EPB41L4A: variants seen among roughly 807,000 people sequenced by gnomAD.
EPB41L4A encodes the protein band 4.1-like protein 4A.
In EPB41L4A, 100 loss-of-function variants were observed where a neutral mutation model predicts 108.6. The ratio of observed to expected loss-of-function variants is 0.92; its 90% CI spans 0.78 to 1.09. The LOEUF is 1.09. Ranked by LOEUF, EPB41L4A falls within the 50% of genes least tolerant of loss-of-function variation. The pLI is 0.00. For synonymous variants in EPB41L4A, 319 were observed against 289.0 expected, an observed-to-expected ratio of 1.10 and a Z score of -1.05; for missense variants, 1,030 against 842.7, an observed-to-expected ratio of 1.22 and a Z score of -2.75.
Position 112,339,033 on chromosome 5 carries a change from T to TC in EPB41L4A, c.100-31544_100-31543insG, listed in dbSNP as rs1554099884. 5.5e-4 allele frequency among the ~76,000 whole-genome samples: 84 copies of TC among 151,798 alleles called. 1 individual carries two copies. The South Asian group carries it at 0.017, about 30-fold the overall frequency. ...TTGTAAATAAAAGAAAGTGACAGGG[T>TC]GGGGGAGAATGAAGGGAGAAGAGCA... On this transcript the variant is annotated intron_variant, in intron 1 of 22. Coordinates refer to ENST00000261486, the MANE Select transcript of EPB41L4A (RefSeq NM_022140.5).
chr5:112,278,127 C>T (rs1436142405), intron 3 of EPB41L4A, among the ~76,000 whole-genome samples: 1 of 152,120 alleles, frequency 6.6e-6, no homozygotes, highest in African/African-American at 2.4e-5. Flanking sequence ...TCTGACTAAT[C>T]TATTAGAGAT....
chr5:112,243,838 T>C (rs1370221670), intron 9 of EPB41L4A, among the ~76,000 whole-genome samples: 1 of 152,238 alleles, frequency 6.6e-6, no homozygotes, highest in Non-Finnish European at 1.5e-5. Context: ...TTACAGACTT[T>C]GGTTTAAGGA....
At chr5:112,156,482 AT>A (rs1286511086) in intron 12 of EPB41L4A, among the ~76,000 whole-genome samples, 1 of 150,314 alleles carries the variant, frequency 6.7e-6, no homozygotes, top group African/African-American at 2.5e-5. Context: ...CAGCAAGCGA[AT>A]CCTTTCTTTA....
chr5:112,369,400 C>A (rs1167537941), intron 1 of EPB41L4A, among the ~76,000 whole-genome samples: 1 of 152,190 alleles, frequency 6.6e-6, no homozygotes, highest in African/African-American at 2.4e-5. Flanking sequence ...ATACAAATGT[C>A]TTTATCACTA....
intron 1 of EPB41L4A, among the ~76,000 whole-genome samples, chr5:112,319,048 AC>A (rs1403981833): frequency 6.6e-6 from 1 of 152,186 alleles, no homozygotes; most frequent in Non-Finnish European, 1.5e-5. Flanking sequence ...CACATCTGGT[AC>A]CCACATCTTT....
chr5:112,414,873 A>G (rs1762617890), intron 1 of EPB41L4A, among the ~76,000 whole-genome samples: 1 of 152,156 alleles, frequency 6.6e-6, no homozygotes, highest in Admixed American at 6.6e-5. Flanking sequence ...TATGCAGGAG[A>G]GACACTTTCT....
At chr5:112,339,528 C>CTA (rs1482030071) in intron 1 of EPB41L4A, among the ~76,000 whole-genome samples, 29 of 25,452 alleles carry the variant, frequency 1.1e-3, no homozygotes, top group Admixed American at 1.3e-3. Flanking sequence ...AGATATATAT[C>CTA]TATATATATA....
chr5:112,259,801 C>T (rs1419714973), intron 8 of EPB41L4A, 90 bp downstream of exon 8: 11 of 904,540 alleles, frequency 1.2e-5, no homozygotes, highest in Non-Finnish European at 1.8e-5. Flanking sequence ...GGAAATATAC[C>T]TGTTTTCTTT....
chr5:112,376,245 G>A (rs575410036), intron 1 of EPB41L4A, among the ~76,000 whole-genome samples: 1 of 152,240 alleles, frequency 6.6e-6, no homozygotes, highest in East Asian at 1.9e-4. Flanking sequence ...TCACCAAAGA[G>A]GATACAGATG....
intron 1 of EPB41L4A, among the ~76,000 whole-genome samples, chr5:112,357,779 T>C (rs1376223462): frequency 6.6e-6 from 1 of 152,124 alleles, no homozygotes; most frequent in East Asian, 1.9e-4. Context: ...GAAAATAGTA[T>C]AGGAACAGAG....
rs189322779 is a variant in EPB41L4A, at chr5:112,151,363, T to C, written n.995-5365A>G. 9.7e-4 allele frequency among the ~76,000 whole-genome samples: 141 copies of C among 144,866 alleles called. No homozygotes were observed. The East Asian group carries it at 0.022, about 22-fold the overall frequency. On this transcript the variant is annotated intron_variant and non_coding_transcript_variant, in intron 12 of 13. Coordinates refer to the EPB41L4A transcript ENST00000507810. ...CTAAGGTCCTTGTTTTTTTTTTTAT[T>C]CAAGAAGAGGATAAATATATATTTA...
At position 112,194,697 on chromosome 5, in the gene EPB41L4A, G is replaced by T. The variant is rs78847982; in HGVS notation, c.1425-52C>A. On this transcript the variant is annotated intron_variant, in intron 16 of 22. Transcript: ENST00000261486. ...GAAAAAACACACATTTATAACTCACGAACAATTTCAGAAAGGTTTATATGG... is the reference window on the plus strand; with the variant it reads ...GAAAAAACACACATTTATAACTCACTAACAATTTCAGAAAGGTTTATATGG... The T allele has an allele frequency of 5.5e-4, 721 of 1,317,912 alleles. 9 individuals carry two copies. In the South Asian group the frequency reaches 9.1e-3, roughly 17 times the overall value. The allele number at this position is 1,317,912 out of a possible 1,614,324, so 81.6% of individuals were successfully genotyped here.
At chr5:112,264,427 CA>C (rs1561523005) in intron 6 of EPB41L4A, 1 of 152,098 alleles carries the variant, frequency 6.6e-6, no homozygotes, top group Non-Finnish European at 1.5e-5. Flanking sequence ...ATACTTCAGA[CA>C]GAGGAAACAT....
downstream of EPB41L4A, among the ~76,000 whole-genome samples, chr5:112,158,873 A>G (rs749405851): frequency 1.3e-5 from 2 of 152,196 alleles, no homozygotes; most frequent in African/African-American, 2.4e-5. Context: ...GTGAGGACAC[A>G]GCCAAAACAT....
intron 18 of EPB41L4A, among the ~76,000 whole-genome samples, chr5:112,176,418 T>C (rs1760864616): frequency 6.6e-6 from 1 of 152,200 alleles, no homozygotes; most frequent in Non-Finnish European, 1.5e-5. Context: ...ATTAACTGCC[T>C]ACTTGGCATC....
chr5:112,195,391 G>C (rs907421377), intron 16 of EPB41L4A, among the ~76,000 whole-genome samples: 5 of 151,612 alleles, frequency 3.3e-5, no homozygotes, highest in Non-Finnish European at 7.4e-5. Context: ...AAATAGAGTT[G>C]TTGCTGCTTT....
chr5:112,383,031 T>A (rs1454272461), intron 1 of EPB41L4A, among the ~76,000 whole-genome samples: 1 of 152,154 alleles, frequency 6.6e-6, no homozygotes, highest in Non-Finnish European at 1.5e-5. Context: ...AGGCAAGAGG[T>A]AATAAATGCC....
chr5:112,295,216 G>T (rs1393350466), intron 2 of EPB41L4A, among the ~76,000 whole-genome samples: 1 of 152,178 alleles, frequency 6.6e-6, no homozygotes, highest in East Asian at 1.9e-4. Context: ...AAGCTGCCAG[G>T]ACTTGGTGAC....
At position 112,209,921 on chromosome 5, in the gene EPB41L4A, A is replaced by C. The variant is rs757621160; in HGVS notation, c.1149T>G (p.Ile383Met). ...TTACTGGTGAAGGTGCAATAATTTT[A>C]ATTGTTCCTTCATTTTCTCCATTTT... ...NMENGENEGT[I>M]KIIAPSPVKS... The change falls in exon 13 of 23, where the codon ATT (isoleucine) becomes ATG (methionine). Residue 383 changes from isoleucine (I) to methionine (M), a missense_variant. Coordinates refer to ENST00000261486, the MANE Select transcript of EPB41L4A (RefSeq NM_022140.5). The C allele has an allele frequency of 7.5e-6, 12 of 1,606,240 alleles. No individual in the cohort carries two copies. In the South Asian group the frequency reaches 1.3e-4, roughly 18 times the overall value.
Sources: allele counts gnomAD v4.1 joint callset (sites outside exome capture counted in the v4.1 genomes callset), GRCh38; gene constraint gnomAD v4.1.1; transcripts MANE v1.5; gene names NCBI Gene and HGNC (gene_info 2026-07-23, HGNC 2026-07-21).